HIVEP1: variants seen among roughly 807,000 people sequenced by gnomAD.
HIVEP1 encodes zinc finger protein 40.
In HIVEP1, 36 loss-of-function variants were observed where a neutral mutation model predicts 180.0. That is an observed-to-expected ratio of 0.20 (90% CI 0.15 to 0.26). The LOEUF is 0.26. Ranked by LOEUF, HIVEP1 falls within the 10% of genes least tolerant of loss-of-function variation. The pLI, the probability that HIVEP1 is intolerant of heterozygous loss-of-function variation, is 1.00. For synonymous variants in HIVEP1, 1,239 were observed against 1,239.0 expected (o/e 1.00, Z 0.00); for missense variants, 3,143 against 3,268.7 (o/e 0.96, Z 0.94).
intron 2 of HIVEP1, among the ~76,000 whole-genome samples, chr6:12,045,473 G>T (rs565773865): frequency 1.7e-3 from 260 of 152,342 alleles, no homozygotes; most frequent in African/African-American, 6.0e-3. Flanking sequence ...TGCTGTTAGG[G>T]TAGAAAGGAG....
intron 2 of HIVEP1, among the ~76,000 whole-genome samples, chr6:12,059,639 A>G (rs1433626427): frequency 1.3e-5 from 2 of 152,074 alleles, no homozygotes; most frequent in Non-Finnish European, 2.9e-5. Context: ...GTTTCTAACC[A>G]TCATGCTTTT....
downstream of HIVEP1, among the ~76,000 whole-genome samples, chr6:12,167,001 C>T (rs1347375834): frequency 1.3e-5 from 2 of 152,038 alleles, no homozygotes; most frequent in African/African-American, 4.8e-5. Context: ...TAACATAAAT[C>T]GAGGGCGTTC....
chr6:12,086,463 TTGTTAACCCAG>T (rs1186995932), intron 2 of HIVEP1, among the ~76,000 whole-genome samples: 1 of 152,130 alleles, frequency 6.6e-6, no homozygotes, highest in Non-Finnish European at 1.5e-5. Flanking sequence ...CTTTGGGAAA[TTGTTAACCCAG>T]ATCCCAGTGG....
In HIVEP1 at chr6:12,121,677, A is replaced by G; in HGVS notation, c.1882A>G (p.Met628Val). 6.2e-7 allele frequency: 1 copy of G among 1,614,240 alleles called. No homozygotes were observed. Among genetic ancestry groups the G allele is most frequent in the Non-Finnish European group, 8.5e-7 (1 of 1,180,042 alleles). Reference protein sequence around the residue: ...TNENSHQKGDMNPLEGKQDSH... With the variant: ...TNENSHQKGDVNPLEGKQDSH... ...TGAGAATTCCCACCAGAAAGGCGAC[A>G]TGAATCCACTGGAAGGAAAGCAAGA... The change falls in exon 4 of 9, where the codon ATG becomes GTG. Residue 628 changes from methionine to valine, a missense_variant. Met to Val is a conservative substitution (Grantham distance 21). Around this residue, in one of 12 missense-constraint regions of HIVEP1, gnomAD observed 365 missense variants for 344.4 expected, o/e 1.06. Coordinates refer to ENST00000379388, the MANE Select transcript of HIVEP1 (RefSeq NM_002114.4). This position sits in a 1 kb window ranked among gnomAD's most constrained non-coding sequence, Gnocchi z 5.3.
chr6:12,015,373 T>A (rs1357777570), intron 1 of HIVEP1, among the ~76,000 whole-genome samples, 153 bp from the exon 2 acceptor site: 1 of 152,262 alleles, frequency 6.6e-6, no homozygotes, highest in Non-Finnish European at 1.5e-5. Context: ...AAATGACCTC[T>A]GTTTAATTAA....
chr6:12,020,214 G>T (rs751397686), intron 2 of HIVEP1: 1 of 433,074 alleles, frequency 2.3e-6, no homozygotes, highest in Non-Finnish European at 4.8e-6. Flanking sequence ...AAACCAGATA[G>T]AATCAGTTCT....
rs1774156839 is a variant in HIVEP1 at position 12,102,289 on chromosome 6, A to G, written c.94+13052A>G. On this transcript the variant is annotated intron_variant, in intron 3 of 8. Transcript: ENST00000379388. ...TCCACCCAAGAACAACAGAATACACATTATTCTCCAGTATACATGGAATAT... is the reference window on the plus strand; with the variant it reads ...TCCACCCAAGAACAACAGAATACACGTTATTCTCCAGTATACATGGAATAT... Among the ~76,000 whole-genome samples, 2 of 152,186 alleles carry G rather than the reference A, an allele frequency of 1.3e-5. 1 individual carries two copies. The highest frequency in any genetic ancestry group is 3.8e-4 in the East Asian group (2 of 5,202).
intron 2 of HIVEP1, among the ~76,000 whole-genome samples, chr6:12,022,176 A>AT (rs768678729): frequency 0.022 from 3,249 of 146,066 alleles, 38 homozygotes; most frequent in African/African-American, 0.028. Context: ...CACATACAGG[A>AT]TTTTTTTTTT....
chr6:12,143,266 C>T (rs1759163665), intron 7 of HIVEP1, among the ~76,000 whole-genome samples: 1 of 152,188 alleles, frequency 6.6e-6, no homozygotes, highest in South Asian at 2.1e-4. Flanking sequence ...ATCACATAAA[C>T]AGAACCAATG....
intron 2 of HIVEP1, chr6:12,037,712 CTT>C (rs370729066): frequency 7.6e-6 from 3 of 395,662 alleles, no homozygotes; most frequent in South Asian, 1.0e-4. Context: ...TTGTTTTTTC[CTT>C]TTTTTTTGTA....
At chr6:12,196,426 T>C in the HIVEP1 span, among the ~76,000 whole-genome samples, 3 of 152,228 alleles carry the variant, frequency 2.0e-5, no homozygotes, top group Non-Finnish European at 2.9e-5. Flanking sequence ...CTATCATTAC[T>C]CCAGAAGGGT....
chr6:12,156,540 T>A (rs1760062997), intron 7 of HIVEP1, among the ~76,000 whole-genome samples: 1 of 152,152 alleles, frequency 6.6e-6, no homozygotes, highest in Non-Finnish European at 1.5e-5. Flanking sequence ...AGATGGTTGC[T>A]GGTGTGCAGT....
At position 12,124,593 on chromosome 6, in the gene HIVEP1, A is replaced by G. The variant is rs750169983; in HGVS notation, c.4798A>G (p.Thr1600Ala). 9 of 1,614,046 alleles carry G rather than the reference A, an allele frequency of 5.6e-6. No homozygotes were observed. The highest frequency in any genetic ancestry group is 2.7e-5 in the African/African-American group (2 of 74,914). The change falls in exon 4 of 9, where the codon ACA (threonine) becomes GCA (alanine). Residue 1600 changes from threonine to alanine, a missense_variant. Thr to Ala is a moderately conservative substitution (Grantham distance 58, BLOSUM62 0). Coordinates refer to ENST00000379388, the MANE Select transcript of HIVEP1 (RefSeq NM_002114.4). ...VGTDHCVTSA[T>A]LPTKLIDSMS... ...AACAGATCATTGTGTGACATCAGCA[A>G]CATTACCAACCAAATTAATTGACAG...
downstream of HIVEP1, among the ~76,000 whole-genome samples, chr6:12,166,442 A>G (rs74559056): frequency 0.021 from 3,195 of 152,254 alleles, 117 homozygotes; most frequent in African/African-American, 0.074. Flanking sequence ...TGTACTTTTC[A>G]AGATTCTTAT....
chr6:12,174,330 T>C, the HIVEP1 span, among the ~76,000 whole-genome samples: 1 of 152,188 alleles, frequency 6.6e-6, no homozygotes, highest in South Asian at 2.1e-4. Flanking sequence ...AATTTATTTT[T>C]TTTAAATCAG....
chr6:12,156,922 C>T (rs9394589), intron 7 of HIVEP1, among the ~76,000 whole-genome samples: 37,128 of 151,878 alleles, frequency 0.24, 5,047 homozygotes, highest in East Asian at 0.56. Flanking sequence ...CATTAATTAC[C>T]GAGAGTGGAT....
chr6:12,072,635 T>C (rs979747940), intron 2 of HIVEP1, among the ~76,000 whole-genome samples: 1 of 152,202 alleles, frequency 6.6e-6, no homozygotes, highest in East Asian at 1.9e-4. Context: ...TTCCACAGTT[T>C]GTTCATTTTT....
the HIVEP1 span, among the ~76,000 whole-genome samples, chr6:12,205,462 C>T: frequency 6.6e-6 from 1 of 150,772 alleles, no homozygotes; most frequent in Admixed American, 6.6e-5. Context: ...CAGAGCAAGA[C>T]TCCATCTCAA....
At chr6:12,056,236 T>C (rs1342936945) in intron 2 of HIVEP1, among the ~76,000 whole-genome samples, 1 of 152,176 alleles carries the variant, frequency 6.6e-6, no homozygotes, top group Non-Finnish European at 1.5e-5. Flanking sequence ...AGTGTGTTAC[T>C]GGGCAATGTG....
Sources: allele counts gnomAD v4.1 joint callset (sites outside exome capture counted in the v4.1 genomes callset), GRCh38; gene constraint gnomAD v4.1.1; regional missense constraint gnomAD v4.1.1; non-coding constraint Gnocchi (gnomAD v3.1); transcripts MANE v1.5; gene names NCBI Gene and HGNC (gene_info 2026-07-23, HGNC 2026-07-21).